UTP6: variants seen among roughly 807,000 people sequenced by gnomAD.
UTP6 encodes the protein U3 small nucleolar RNA-associated protein 6 homolog.
Under a neutral mutation model 96.5 loss-of-function variants are expected in UTP6, and 60 were observed. That is an observed-to-expected ratio of 0.62 (90% CI 0.51 to 0.77). The LOEUF (loss-of-function observed/expected upper bound fraction) is 0.77. UTP6 is among the 30% of genes least tolerant of loss of function. The pLI is 0.00. For missense variants in UTP6, 637 were observed against 706.5 expected, an observed-to-expected ratio of 0.90 and a Z score of 1.12; for synonymous variants, 215 against 240.1, an observed-to-expected ratio of 0.90 and a Z score of 0.96.
chr17:31,861,418 C>A lies in UTP6; in HGVS notation c.*1941G>T, dbSNP rs1184990627. The A allele has an allele frequency of 6.6e-6, 1 of 152,066 alleles. No homozygotes were observed. The highest frequency in any genetic ancestry group is 2.4e-5 in the African/African-American group (1 of 41,418). 9.4% of individuals were successfully genotyped at this position (152,066 alleles called of 1,614,324 possible). A position where few individuals can be genotyped will look rare whatever the true frequency, so the allele number is the denominator to read the frequency against. ...TGTTTGAGCCCAACTGTTTAAGAGA[C>A]CAGCCCTGGCAACATAGCAAGACCA... On this transcript the variant is annotated 3_prime_UTR_variant, in exon 19 of 19. Coordinates refer to ENST00000261708, the MANE Select transcript of UTP6 (RefSeq NM_018428.3).
chr17:31,881,392 A>C (rs1362386527), intron 10 of UTP6, among the ~76,000 whole-genome samples: 1 of 150,568 alleles, frequency 6.6e-6, no homozygotes, highest in African/African-American at 2.4e-5. Flanking sequence ...TCAGCCTTCC[A>C]AGTAGCTGGA....
Position 31,873,700 on chromosome 17 carries a change from G to C in UTP6, c.1359C>G (p.Ser453Arg). Residue 453 changes from serine to arginine, a missense_variant, in exon 15 of 19, where the codon AGC becomes AGG. Transcript: ENST00000261708. ...SWAEWSEGAK[S>R]QEDTEAVFKK... is the part of the protein sequence containing the mutation. The stretch of plus-strand genomic sequence containing the variant: ...TAAAGACTGCCTCAGTGTCTTCTTG[G>C]CTTTTGGCACCTTCACTCCACTCTG... 3 of 1,613,162 alleles carry C rather than the reference G, an allele frequency of 1.9e-6. No homozygotes were observed. Among genetic ancestry groups the C allele is most frequent in the Non-Finnish European group, 2.5e-6 (3 of 1,179,876 alleles).
intron 12 of UTP6, 109 bp from the exon 13 acceptor site, chr17:31,878,436 G>T: frequency 9.1e-7 from 1 of 1,097,032 alleles, no homozygotes; most frequent in South Asian, 1.4e-5. Flanking sequence ...CAAAGAAGCT[G>T]ACTTGCTCCT....
chr17:31,890,092 T>C (rs1911401613), intron 6 of UTP6, among the ~76,000 whole-genome samples: 1 of 151,918 alleles, frequency 6.6e-6, no homozygotes, highest in Admixed American at 6.6e-5. Context: ...ACTGCAGTCT[T>C]CACCTACCAG....
At chr17:31,899,404 G>A (rs564595636) in intron 2 of UTP6, among the ~76,000 whole-genome samples, 3 of 152,146 alleles carry the variant, frequency 2.0e-5, no homozygotes, top group African/African-American at 7.2e-5. Flanking sequence ...ATCAGCCTGG[G>A]CAATGTGGCA....
chr17:31,886,899 A>T (rs1326832657), intron 8 of UTP6, among the ~76,000 whole-genome samples: 5 of 152,218 alleles, frequency 3.3e-5, no homozygotes, highest in African/African-American at 1.2e-4. Flanking sequence ...CTATTCTGTA[A>T]GTAACAATTT....
intron 12 of UTP6, among the ~76,000 whole-genome samples, 160 bp from the exon 13 acceptor site, chr17:31,878,487 G>A (rs892398222): frequency 6.6e-6 from 1 of 152,162 alleles, no homozygotes; most frequent in African/African-American, 2.4e-5. Context: ...ATGGGCAGCT[G>A]CACCGAACAG....
chr17:31,873,281 A>T, intron 16 of UTP6, 97 bp downstream of exon 16: 1 of 1,155,478 alleles, frequency 8.7e-7, no homozygotes. Context: ...GTATCAGATT[A>T]CTCCCTCAGA....
At chr17:31,874,755 T>A (rs4795661) in intron 14 of UTP6, among the ~76,000 whole-genome samples, 131,596 of 151,954 alleles carry the variant, frequency 0.87, 57,129 homozygotes, top group African/African-American at 0.92. Context: ...AACATGGAGA[T>A]ATCCTGTCTC....
In UTP6 at chr17:31,863,422, C is replaced by T. The variant is rs1909636360; in HGVS notation, c.1731G>A (p.Leu577=). The part of the protein sequence containing the change: ...GQIYWRAMKM[L]QGESAEAFVA... ...CAAATGCCTCTGCTGACTCTCCCTG[C>T]AACATTTTCATCGCTCGCCAGTAGA... The change falls in exon 19 of 19, where the codon TTG becomes TTA. Residue 577 remains leucine (L), a synonymous_variant. Transcript: ENST00000261708. 6.2e-7 allele frequency: 1 copy of T among 1,613,994 alleles called. No homozygotes were observed. The highest frequency in any genetic ancestry group is 1.7e-5 in the Admixed American group (1 of 59,986).
intron 16 of UTP6, 196 bp downstream of exon 16, chr17:31,873,182 A>G: frequency 2.1e-6 from 1 of 483,190 alleles, no homozygotes; most frequent in East Asian, 3.7e-5. Context: ...TGAACGCAGG[A>G]GGCGGAGATT....
At chr17:31,899,582 G>A (rs1484783914) in intron 2 of UTP6, 64 bp downstream of exon 2, 2 of 1,254,886 alleles carry the variant, frequency 1.6e-6, no homozygotes, top group Non-Finnish European at 2.2e-6. Context: ...GTGACAGAGT[G>A]AGATGCCATC....
chr17:31,865,510 T>G, intron 17 of UTP6, 72 bp from the exon 18 acceptor site: 1 of 1,442,946 alleles, frequency 6.9e-7, no homozygotes, highest in African/African-American at 1.4e-5. Context: ...ACCATATTGT[T>G]AAGCAGCTAC....
chr17:31,887,351 C>T, intron 7 of UTP6, 38 bp from the exon 8 acceptor site: 1 of 1,596,174 alleles, frequency 6.3e-7, no homozygotes, highest in Non-Finnish European at 8.6e-7. Flanking sequence ...TTTGGAGATG[C>T]TTTTTAAAAT....
At chr17:31,888,847 G>A (rs9906928) in intron 7 of UTP6, among the ~76,000 whole-genome samples, 109,022 of 152,022 alleles carry the variant, frequency 0.72, 39,780 homozygotes, top group East Asian at 0.84. Flanking sequence ...GGAGGCGGGC[G>A]GATGACCAGG....
intron 18 of UTP6, among the ~76,000 whole-genome samples, chr17:31,863,839 A>G (rs1345316571): frequency 6.6e-6 from 1 of 152,052 alleles, no homozygotes; most frequent in African/African-American, 2.4e-5. Flanking sequence ...GGCAGCTGGG[A>G]ACACAGGCAC....
chr17:31,876,205 T>C (rs1453448958), intron 13 of UTP6, among the ~76,000 whole-genome samples: 4 of 151,820 alleles, frequency 2.6e-5, no homozygotes, highest in Admixed American at 6.6e-5. Context: ...CCTGGTTAAT[T>C]TTTTGTATTT....
chr17:31,879,770 T>C (rs760148656), intron 11 of UTP6, among the ~76,000 whole-genome samples: 1 of 152,054 alleles, frequency 6.6e-6, no homozygotes, highest in Non-Finnish European at 1.5e-5. Context: ...ACCACTACTA[T>C]GGAGGAAGGT....
intron 11 of UTP6, 108 bp from the exon 12 acceptor site, chr17:31,878,889 C>T (rs868216259): frequency 2.0e-6 from 2 of 1,011,002 alleles, no homozygotes; most frequent in East Asian, 4.9e-5. Flanking sequence ...ACCTTTACTT[C>T]AAGGGGAAAA....
Sources: gnomAD v4.1 joint callset for allele counts (sites outside exome capture counted in the v4.1 genomes callset) on GRCh38, gnomAD v4.1.1 for gene constraint, MANE v1.5 for transcripts, NCBI Gene and HGNC (gene_info 2026-07-23, HGNC 2026-07-21) for gene names.